Variants in EIF4G3 observed in about 807,000 individuals in gnomAD.
EIF4G3 encodes eukaryotic translation initiation factor 4 gamma 3.
Under a neutral mutation model 186.4 loss-of-function variants are expected in EIF4G3, and 34 were observed. The observed-to-expected ratio is 0.18, with a 90% CI of 0.14 to 0.24. The LOEUF is 0.24. Among genes scored for constraint, EIF4G3 ranks in the 10% least tolerant of loss-of-function variants. EIF4G3 has a pLI of 1.00. For missense variants in EIF4G3, 1,536 were observed against 1,948.5 expected, an observed-to-expected ratio of 0.79 and a Z score of 3.99; for synonymous variants, 673 against 679.5, an observed-to-expected ratio of 0.99 and a Z score of 0.15.
chr1:20,983,238 G>T (rs981730916), intron 7 of EIF4G3, among the ~76,000 whole-genome samples: 1 of 152,104 alleles, frequency 6.6e-6, no homozygotes, highest in South Asian at 2.1e-4. Context: ...AGCCAGAAAG[G>T]TATAGCAGGA....
chr1:21,053,482 C>T (rs1165531914), intron 3 of EIF4G3, among the ~76,000 whole-genome samples: 19 of 149,470 alleles, frequency 1.3e-4, no homozygotes, highest in African/African-American at 3.5e-4. Context: ...TCTGCCCGGC[C>T]GCCCCTACTG....
At chr1:21,082,810 G>A (rs949125870) in intron 3 of EIF4G3, among the ~76,000 whole-genome samples, 10 of 151,590 alleles carry the variant, frequency 6.6e-5, no homozygotes, top group South Asian at 4.2e-4. Context: ...AGGCCGAGAC[G>A]GGCGGATCAC....
At chr1:21,089,861 C>A (rs1486497323) in intron 2 of EIF4G3, among the ~76,000 whole-genome samples, 2 of 152,080 alleles carry the variant, frequency 1.3e-5, no homozygotes, top group African/African-American at 4.8e-5. Context: ...CTACAACATA[C>A]TTCCTTCCTA....
chr1:20,987,273 C>A (rs944052930), intron 7 of EIF4G3, among the ~76,000 whole-genome samples: 3 of 152,186 alleles, frequency 2.0e-5, no homozygotes, highest in Non-Finnish European at 4.4e-5. Flanking sequence ...AACAGAAATT[C>A]TCTGAAAAAC....
intron 23 of EIF4G3, among the ~76,000 whole-genome samples, chr1:20,861,686 G>A (rs1246407725): frequency 6.6e-6 from 1 of 152,178 alleles, no homozygotes; most frequent in East Asian, 1.9e-4. Flanking sequence ...ATTACAAATT[G>A]CAAGTGGCTG....
chr1:20,894,570 T>C (rs561413023), intron 17 of EIF4G3, among the ~76,000 whole-genome samples: 5 of 152,330 alleles, frequency 3.3e-5, no homozygotes, highest in African/African-American at 1.2e-4. Flanking sequence ...ATTCAGACCT[T>C]GGTTATGACC....
chr1:21,058,430 A>G (rs760887935), intron 3 of EIF4G3, among the ~76,000 whole-genome samples: 1 of 152,212 alleles, frequency 6.6e-6, no homozygotes, highest in Non-Finnish European at 1.5e-5. Context: ...CTACAAGCCA[A>G]ATAAACCATA....
At chr1:21,101,588 ACCGAGGGAGGGAGGGAGTAAGGAAGGAAC>A (rs2096527424) in intron 2 of EIF4G3, among the ~76,000 whole-genome samples, 58 of 112,772 alleles carry the variant, frequency 5.1e-4, no homozygotes, top group East Asian at 1.2e-3. Flanking sequence ...ACAAAAAAAA[ACCGAGGGAGGGAGGGAGTAAGGAAGGAAC>A]AAAGAAAGAA....
chr1:21,094,331 C>A (rs895561356), intron 2 of EIF4G3, among the ~76,000 whole-genome samples: 2 of 151,794 alleles, frequency 1.3e-5, no homozygotes, highest in Admixed American at 6.6e-5. Context: ...ACGTTTATTG[C>A]GGCACAATTC....
intron 2 of EIF4G3, among the ~76,000 whole-genome samples, chr1:21,124,494 A>G (rs1358949634): frequency 1.3e-5 from 2 of 152,224 alleles, no homozygotes; most frequent in Admixed American, 1.3e-4. Context: ...TTTTGCTTCT[A>G]TAAGAGGATA....
In EIF4G3 at chr1:20,810,657, G is replaced by A. The variant is rs140127672; in HGVS notation, c.4744+81C>T. The A allele has an allele frequency of 8.1e-4, 1,201 of 1,473,958 alleles. 4 individuals carry two copies. The highest frequency in any genetic ancestry group is 9.9e-4 in the Non-Finnish European group (1,059 of 1,067,544). 91.3% of individuals were successfully genotyped at this position (1,473,958 alleles called of 1,614,324 possible). ...GTGATTCTTTTATTGTCCTTTGTTCGAACCCTAAATCATCTCTAAGTCCTG... is the reference window on the plus strand; with the variant it reads ...GTGATTCTTTTATTGTCCTTTGTTCAAACCCTAAATCATCTCTAAGTCCTG... On this transcript the variant is annotated intron_variant, in intron 36 of 36. Transcript: ENST00000602326. The surrounding 1 kb of genome is among the most constrained non-coding windows in gnomAD (Gnocchi z 4.1).
At chr1:21,155,246 G>A (rs2097629538) in intron 2 of EIF4G3, among the ~76,000 whole-genome samples, 2 of 123,250 alleles carry the variant, frequency 1.6e-5, no homozygotes, top group Non-Finnish European at 3.2e-5. Flanking sequence ...CTGGGAGACA[G>A]TGCGAGACTC....
intron 14 of EIF4G3, among the ~76,000 whole-genome samples, chr1:20,915,440 T>C (rs1012252244): frequency 5.3e-5 from 8 of 151,906 alleles, no homozygotes; most frequent in African/African-American, 1.7e-4. Flanking sequence ...CCCTTATAAA[T>C]TTAAATACAA....
intron 4 of EIF4G3, chr1:21,003,695 C>T (rs1396497230): frequency 1.4e-5 from 5 of 361,300 alleles, no homozygotes; most frequent in Admixed American, 3.3e-5. Context: ...CTTTGAGTTG[C>T]ACATCATATC....
chr1:20,994,233 T>C (rs991590410), intron 7 of EIF4G3, among the ~76,000 whole-genome samples: 16 of 152,324 alleles, frequency 1.1e-4, no homozygotes, highest in East Asian at 1.9e-4. Context: ...ACAAACCAAA[T>C]TGACCCCACA....
intron 3 of EIF4G3, chr1:21,073,764 C>T: frequency 4.7e-6 from 2 of 426,944 alleles, no homozygotes; most frequent in Non-Finnish European, 9.5e-6. Context: ...TTGTCACATG[C>T]TGGATCATTC....
At chr1:21,176,602 G>T (rs1573870692) in intron 1 of EIF4G3, 120 bp downstream of exon 1, 1 of 185,376 alleles carries the variant, frequency 5.4e-6, no homozygotes, top group Non-Finnish European at 1.1e-5. Context: ...CTCCGCCGCC[G>T]CCGCCGCCGG....
chr1:20,817,966 G>A (rs1196171766), intron 33 of EIF4G3, among the ~76,000 whole-genome samples: 2 of 151,978 alleles, frequency 1.3e-5, no homozygotes, highest in East Asian at 1.9e-4. Context: ...GACTCACCAC[G>A]CCCAACCTGT....
intron 2 of EIF4G3, among the ~76,000 whole-genome samples, chr1:21,155,262 CA>C (rs34182850): frequency 7.9e-3 from 342 of 43,288 alleles, no homozygotes; most frequent in South Asian, 0.034. Flanking sequence ...GACTCTGTCT[CA>C]AAAAAAAAAA....
Sources: allele counts gnomAD v4.1 joint callset (sites outside exome capture counted in the v4.1 genomes callset), GRCh38; gene constraint gnomAD v4.1.1; non-coding constraint Gnocchi (gnomAD v3.1); transcripts MANE v1.5; gene names NCBI Gene and HGNC (gene_info 2026-07-23, HGNC 2026-07-21).